The following DOCK8 variants were observed in gnomAD, a reference collection of about 807,000 sequenced individuals.
DOCK8 encodes dedicator of cytokinesis 8, also known as dedicator of cytokinesis protein 8.
DOCK8 carries 141 observed loss-of-function variants against 245.6 expected under a neutral mutation model. The observed-to-expected ratio is 0.57, with a 90% CI of 0.50 to 0.66. The LOEUF (loss-of-function observed/expected upper bound fraction) is 0.66, where lower values mean the gene tolerates loss of function less well. DOCK8 is among the 30% of genes least tolerant of loss of function. The probability of loss-of-function intolerance (pLI) is 0.00; values close to 1 mark genes in which losing one functional copy is unlikely to be tolerated. For missense variants in DOCK8, 2,965 were observed against 2,603.4 expected, an observed-to-expected ratio of 1.14 and a Z score of -3.02; for synonymous variants, 1,168 against 970.2, an observed-to-expected ratio of 1.20 and a Z score of -3.79.
rs1365782276 is a variant in DOCK8, at chr9:379,946, CCT to C, written c.2605+12_2605+13del. 1 of 1,613,192 alleles carries C rather than the reference CCT, an allele frequency of 6.2e-7. No individual in the cohort carries two copies. The highest frequency in any genetic ancestry group is 8.5e-7 in the Non-Finnish European group (1 of 1,179,802). ...ATGTGCCCAAGTCAGGTAGAGTTGC[CCT>C]GAGTGTGGGACTCTGGTGGGCGGGG... On this transcript the variant is annotated intron_variant, in intron 21 of 47. Coordinates refer to ENST00000432829, the MANE Select transcript of DOCK8 (RefSeq NM_203447.4).
At chr9:290,561 CT>C (rs2048997869) in intron 4 of DOCK8, among the ~76,000 whole-genome samples, 1 of 152,170 alleles carries the variant, frequency 6.6e-6, no homozygotes, top group Admixed American at 6.5e-5. Flanking sequence ...TTAATCAAAC[CT>C]TCTGTGACAT....
chr9:409,503 C>T (rs1026012517), intron 28 of DOCK8, among the ~76,000 whole-genome samples: 21 of 151,842 alleles, frequency 1.4e-4, no homozygotes, highest in Admixed American at 4.6e-4. Flanking sequence ...TTCTATATAA[C>T]GTTGAATTCT....
upstream of DOCK8, among the ~76,000 whole-genome samples, chr9:211,951 T>C (rs1015589166): frequency 3.9e-5 from 6 of 152,126 alleles, no homozygotes; most frequent in Non-Finnish European, 8.8e-5. Flanking sequence ...GTAGGGTAGA[T>C]GGAGAATTTT....
chr9:270,233 T>C (rs2048127661), intron 1 of DOCK8, among the ~76,000 whole-genome samples: 1 of 152,250 alleles, frequency 6.6e-6, no homozygotes, highest in East Asian at 1.9e-4. Context: ...TGCTTGCAGC[T>C]ACAGCTTCCT....
intron 1 of DOCK8, among the ~76,000 whole-genome samples, chr9:238,994 G>C (rs925110994): frequency 1.3e-5 from 2 of 152,130 alleles, no homozygotes; most frequent in Admixed American, 6.5e-5. Flanking sequence ...CACCTACTCT[G>C]TGCATGTTTG....
At chr9:403,501 A>G (rs2055209141) in intron 26 of DOCK8, among the ~76,000 whole-genome samples, 1 of 152,162 alleles carries the variant, frequency 6.6e-6, no homozygotes, top group African/African-American at 2.4e-5. Context: ...TTTTAAGTGG[A>G]TGTCTAACTA....
chr9:277,096 A>T (rs1317547129), intron 2 of DOCK8: 1 of 190,232 alleles, frequency 5.3e-6, no homozygotes, highest in African/African-American at 2.4e-5. Context: ...GGTATGAGTC[A>T]TTACACCCGG....
intron 24 of DOCK8, among the ~76,000 whole-genome samples, chr9:394,521 C>T (rs572351925): frequency 3.3e-5 from 5 of 152,254 alleles, no homozygotes; most frequent in Non-Finnish European, 7.3e-5. Context: ...CTAGTTGTGT[C>T]AGTGCCCAAG....
At chr9:443,959 T>G (rs1055623164) in intron 43 of DOCK8, among the ~76,000 whole-genome samples, 4 of 152,200 alleles carry the variant, frequency 2.6e-5, no homozygotes, top group African/African-American at 9.7e-5. Flanking sequence ...TGCCTTTTTA[T>G]AAAACCTTTA....
At chr9:387,442 CAAA>C (rs139131854) in intron 23 of DOCK8, among the ~76,000 whole-genome samples, 1 of 77,114 alleles carries the variant, frequency 1.3e-5, no homozygotes, top group Non-Finnish European at 2.7e-5. Flanking sequence ...GACTCCATTT[CAAA>C]AAAAAAAAAA....
chr9:335,830 C>G (rs770308548), intron 11 of DOCK8, among the ~76,000 whole-genome samples: 11 of 152,152 alleles, frequency 7.2e-5, no homozygotes, highest in Non-Finnish European at 1.3e-4. Context: ...GCAAGAAATT[C>G]TAATTCAACA....
chr9:400,779 C>T (rs191994155), intron 26 of DOCK8, among the ~76,000 whole-genome samples: 11 of 85,526 alleles, frequency 1.3e-4, no homozygotes, highest in Admixed American at 4.6e-4. Context: ...ACCACCACCA[C>T]CACCTCCACC....
intron 28 of DOCK8, among the ~76,000 whole-genome samples, chr9:407,968 C>A (rs1343862288): frequency 6.6e-6 from 1 of 152,102 alleles, no homozygotes; most frequent in Non-Finnish European, 1.5e-5. Flanking sequence ...AGGAACTTGC[C>A]CACTATTCCA....
chr9:346,977 A>G lies in DOCK8; in HGVS notation c.1679+6656A>G, dbSNP rs111583396. Among the ~76,000 whole-genome samples, 471 of 152,296 alleles carry G rather than the reference A, an allele frequency of 3.1e-3. 6 individuals are homozygous for G. The highest frequency in any genetic ancestry group is 0.01 in the African/African-American group (435 of 41,548). On this transcript the variant is annotated intron_variant, in intron 14 of 47. Coordinates refer to ENST00000432829, the MANE Select transcript of DOCK8 (RefSeq NM_203447.4). ...TCCAAGGAAATAGGTTCCCAGTTTAAGCCCAGTTAGCTCTGTATTCAGAGT... is the reference window on the plus strand; with the variant it reads ...TCCAAGGAAATAGGTTCCCAGTTTAGGCCCAGTTAGCTCTGTATTCAGAGT...
chr9:411,729 G>C (rs1245449115), intron 28 of DOCK8, among the ~76,000 whole-genome samples: 1 of 151,956 alleles, frequency 6.6e-6, no homozygotes, highest in Non-Finnish European at 1.5e-5. Flanking sequence ...CATATAAAAA[G>C]GATTATACAC....
chr9:220,465 T>A (rs1243054020), intron 1 of DOCK8, among the ~76,000 whole-genome samples: 1 of 152,154 alleles, frequency 6.6e-6, no homozygotes, highest in Non-Finnish European at 1.5e-5. Flanking sequence ...AAGTCTCCCA[T>A]CTCAACTCCC....
chr9:439,978 A>C (rs1162230486), intron 40 of DOCK8, among the ~76,000 whole-genome samples: 4 of 152,122 alleles, frequency 2.6e-5, no homozygotes, highest in Non-Finnish European at 4.4e-5. Context: ...TAGAGAGATG[A>C]AGTCATTGAG....
intron 18 of DOCK8, among the ~76,000 whole-genome samples, chr9:374,576 C>T (rs2053443942): frequency 6.7e-6 from 1 of 150,280 alleles, no homozygotes; most frequent in South Asian, 2.1e-4. Context: ...GTCGTCTCAC[C>T]TCGGCCTCCT....
chr9:234,384 C>G lies in DOCK8; in HGVS notation c.53+19355C>G, dbSNP rs866616693. ...CTGACAATTATGTGTCTTGGAATTG[C>G]TTTTCTCAAGGAGTATCTTTGTGGC... On this transcript the variant is annotated intron_variant, in intron 1 of 47. Coordinates refer to ENST00000432829, the MANE Select transcript of DOCK8 (RefSeq NM_203447.4). Among the ~76,000 whole-genome samples the G allele has an allele frequency of 3.9e-5, 6 of 152,098 alleles. No homozygotes were observed. In the South Asian group the frequency reaches 1.0e-3, roughly 26 times the overall value.
Sources: allele counts gnomAD v4.1 joint callset (sites outside exome capture counted in the v4.1 genomes callset), GRCh38; gene constraint gnomAD v4.1.1; transcripts MANE v1.5; gene names NCBI Gene and HGNC (gene_info 2026-07-23, HGNC 2026-07-21).